Variants in PRKD1 observed in about 807,000 individuals in gnomAD.
PRKD1 encodes protein kinase D1.
A neutral mutation model predicts 95.9 loss-of-function variants in PRKD1; 63 were observed. The observed-to-expected ratio is 0.66, with a 90% CI of 0.54 to 0.81. The LOEUF (loss-of-function observed/expected upper bound fraction) is 0.81. Among genes scored for constraint, PRKD1 ranks in the 30% least tolerant of loss-of-function variants. The pLI, the probability that PRKD1 is intolerant of heterozygous loss-of-function variation, is 0.00. For missense variants in PRKD1, 1,048 were observed against 1,165.3 expected, an observed-to-expected ratio of 0.90 and a Z score of 1.47; for synonymous variants, 425 against 423.1, an observed-to-expected ratio of 1.00 and a Z score of -0.05.
At chr14:29,908,945 G>C (rs1894595752) in intron 1 of PRKD1, among the ~76,000 whole-genome samples, 1 of 152,290 alleles carries the variant, frequency 6.6e-6, no homozygotes, top group East Asian at 1.9e-4. Context: ...GCCCCTCTCT[G>C]GACTAGCCAA....
At chr14:29,884,807 C>T (rs1260167904) in intron 1 of PRKD1, among the ~76,000 whole-genome samples, 1 of 152,126 alleles carries the variant, frequency 6.6e-6, no homozygotes, top group African/African-American at 2.4e-5. Flanking sequence ...AAAGGCATCC[C>T]AGAAAGAAGC....
intron 13 of PRKD1, among the ~76,000 whole-genome samples, chr14:29,621,336 G>A (rs917951460): frequency 6.6e-6 from 1 of 151,656 alleles, no homozygotes; most frequent in Non-Finnish European, 1.5e-5. Flanking sequence ...AAAACTTAAA[G>A]TATAATAATA....
intron 2 of PRKD1, among the ~76,000 whole-genome samples, chr14:29,708,597 C>T (rs561223246): frequency 3.3e-5 from 5 of 152,156 alleles, no homozygotes; most frequent in African/African-American, 4.8e-5. Context: ...CACTGGCTCA[C>T]GCCTGTAATC....
intron 1 of PRKD1, among the ~76,000 whole-genome samples, chr14:29,770,392 G>C (rs1888448339): frequency 6.6e-6 from 1 of 152,186 alleles, no homozygotes; most frequent in Non-Finnish European, 1.5e-5. Flanking sequence ...ACTAGAAAAA[G>C]TGATTCTGGT....
intron 1 of PRKD1, among the ~76,000 whole-genome samples, chr14:29,808,498 C>T (rs1282881591): frequency 2.1e-5 from 3 of 141,352 alleles, no homozygotes; most frequent in African/African-American, 7.8e-5. Flanking sequence ...CTCCTGGGTT[C>T]AAGCAATTCT....
intron 1 of PRKD1, among the ~76,000 whole-genome samples, chr14:29,848,532 C>A (rs1037089345): frequency 6.6e-6 from 1 of 151,718 alleles, no homozygotes; most frequent in Non-Finnish European, 1.5e-5. Context: ...TCAGGTTGAT[C>A]CTTGGCACAG....
chr14:29,649,384 CTGA>C (rs1384592032), intron 4 of PRKD1, among the ~76,000 whole-genome samples: 2 of 151,452 alleles, frequency 1.3e-5, no homozygotes, highest in Non-Finnish European at 2.9e-5. Flanking sequence ...TCTGTGTTTG[CTGA>C]TGAAGTTTTT....
intron 1 of PRKD1, among the ~76,000 whole-genome samples, chr14:29,767,136 A>G (rs1179573908): frequency 6.6e-6 from 1 of 152,114 alleles, no homozygotes; most frequent in Non-Finnish European, 1.5e-5. Context: ...ACTCTCCTGA[A>G]TCTTTTCTTC....
chr14:29,675,387 CT>C (rs796208291), intron 2 of PRKD1, among the ~76,000 whole-genome samples: 32 of 152,344 alleles, frequency 2.1e-4, no homozygotes, highest in African/African-American at 7.0e-4. Context: ...TTCTGTGCCC[CT>C]TTGTAGACAA....
chr14:29,798,653 C>T (rs1249055808), intron 1 of PRKD1, among the ~76,000 whole-genome samples: 3 of 151,720 alleles, frequency 2.0e-5, no homozygotes, highest in African/African-American at 7.3e-5. Context: ...CTGGTAGTAG[C>T]CCCCCACCAC....
chr14:29,591,434 A>G (rs1893124795), intron 16 of PRKD1: 1 of 152,066 alleles, frequency 6.6e-6, no homozygotes, highest in Non-Finnish European at 1.5e-5. Context: ...GCTGTAAGTT[A>G]TTTCTGGGGA....
intron 1 of PRKD1, among the ~76,000 whole-genome samples, chr14:29,735,123 A>C (rs1020648895): frequency 6.6e-6 from 1 of 152,206 alleles, no homozygotes; most frequent in African/African-American, 2.4e-5. Flanking sequence ...GCACTTTTAA[A>C]ATAGAGAATA....
chr14:29,716,853 T>A (rs987578438), intron 2 of PRKD1, among the ~76,000 whole-genome samples: 1 of 152,114 alleles, frequency 6.6e-6, no homozygotes, highest in African/African-American at 2.4e-5. Flanking sequence ...AGGAAAACAA[T>A]TGGTATTCCA....
At chr14:29,872,132 G>C (rs765796929) in intron 1 of PRKD1, among the ~76,000 whole-genome samples, 1 of 152,146 alleles carries the variant, frequency 6.6e-6, no homozygotes, top group Non-Finnish European at 1.5e-5. Flanking sequence ...TAAACTGTTA[G>C]ATTGACAGAA....
intron 1 of PRKD1, among the ~76,000 whole-genome samples, chr14:29,736,345 T>G (rs1886712354): frequency 6.6e-6 from 1 of 152,196 alleles, no homozygotes; most frequent in East Asian, 1.9e-4. Flanking sequence ...AAAATCGTAC[T>G]TTAAAATGAT....
chr14:29,736,510 T>G (rs1235898837), intron 1 of PRKD1, among the ~76,000 whole-genome samples: 2 of 152,164 alleles, frequency 1.3e-5, no homozygotes, highest in Non-Finnish European at 2.9e-5. Flanking sequence ...AAACCCTCAT[T>G]AAACTAAACA....
chr14:29,638,988 C>T lies in PRKD1; in HGVS notation c.697-84G>A, dbSNP rs1788018851. On this transcript the variant is annotated intron_variant, in intron 4 of 17. Transcript: ENST00000331968. ...TTATATATTTTAAGATACCGGTTTA[C>T]TCTTGTATTTAGTACTTTGATGTTT... 25 of 1,035,036 alleles carry T rather than the reference C, an allele frequency of 2.4e-5. No individual in the cohort carries two copies. The South Asian group carries it at 4.1e-4, about 17-fold the overall frequency. 64.1% of individuals were successfully genotyped at this position (1,035,036 alleles called of 1,614,324 possible).
intron 1 of PRKD1, among the ~76,000 whole-genome samples, chr14:29,876,048 GAGA>G (rs1198200032): frequency 1.3e-5 from 2 of 152,178 alleles, no homozygotes; most frequent in African/African-American, 4.8e-5. Flanking sequence ...CTTGTTACAG[GAGA>G]AGAACCCTAT....
At chr14:29,907,187 T>C (rs1894523686) in intron 1 of PRKD1, among the ~76,000 whole-genome samples, 1 of 152,138 alleles carries the variant, frequency 6.6e-6, no homozygotes, top group Non-Finnish European at 1.5e-5. Context: ...GACTATCAAA[T>C]CCCCAGAAGC....
Sources: allele counts gnomAD v4.1 joint callset (sites outside exome capture counted in the v4.1 genomes callset), GRCh38; gene constraint gnomAD v4.1.1; transcripts MANE v1.5; gene names NCBI Gene and HGNC (gene_info 2026-07-23, HGNC 2026-07-21).